Variants in CEP85L observed in about 807,000 individuals in gnomAD.
The protein encoded by CEP85L is centrosomal protein of 85 kDa-like.
CEP85L carries 60 observed loss-of-function variants against 100.3 expected under a neutral mutation model. The observed-to-expected ratio is 0.60, with a 90% CI of 0.49 to 0.74. The LOEUF is 0.74. Among genes scored for constraint, CEP85L ranks in the 30% least tolerant of loss-of-function variants. The pLI is 0.00. For synonymous variants in CEP85L, 319 were observed against 322.7 expected, an observed-to-expected ratio of 0.99 and a Z score of 0.12; for missense variants, 973 against 936.2, an observed-to-expected ratio of 1.04 and a Z score of -0.51.
chr6:118,686,399 G>T (rs1335510802), intron 1 of CEP85L, among the ~76,000 whole-genome samples: 2 of 151,850 alleles, frequency 1.3e-5, no homozygotes, highest in African/African-American at 4.8e-5. Context: ...CCAGTCCCAG[G>T]CAATCACTAA....
chr6:118,613,233 TA>T (rs1305007316), intron 2 of CEP85L, among the ~76,000 whole-genome samples: 1 of 150,186 alleles, frequency 6.7e-6, no homozygotes. Flanking sequence ...AGAAAAACAA[TA>T]ACTGAAATGA....
At chr6:118,669,594 C>A (rs1776234139) in intron 1 of CEP85L, among the ~76,000 whole-genome samples, 1 of 151,920 alleles carries the variant, frequency 6.6e-6, no homozygotes, top group Admixed American at 6.6e-5. Flanking sequence ...AGAAATTTGC[C>A]CTCCCTCCAC....
At chr6:118,616,498 C>T (rs917739909) in intron 2 of CEP85L, among the ~76,000 whole-genome samples, 2 of 151,362 alleles carry the variant, frequency 1.3e-5, no homozygotes, top group African/African-American at 2.4e-5. Context: ...CACAACTGCA[C>T]GCCAGCCTGG....
At chr6:118,502,525 A>T (rs1775371755) in intron 5 of CEP85L, 1 of 487,354 alleles carries the variant, frequency 2.1e-6, no homozygotes, top group African/African-American at 2.0e-5. Context: ...GGACATTTGG[A>T]CTCTAATACT....
At chr6:118,605,514 C>G (rs1187870503) in intron 2 of CEP85L, among the ~76,000 whole-genome samples, 1 of 152,186 alleles carries the variant, frequency 6.6e-6, no homozygotes, top group Non-Finnish European at 1.5e-5. Flanking sequence ...TCTGATACCC[C>G]CAAAACTCAA....
At chr6:118,670,130 T>C (rs149301409) in intron 1 of CEP85L, among the ~76,000 whole-genome samples, 18 of 152,020 alleles carry the variant, frequency 1.2e-4, no homozygotes, top group African/African-American at 4.3e-4. Context: ...ACGGGCAGAA[T>C]ATATGTAGCA....
At chr6:118,624,613 G>C (rs1224300488) in intron 2 of CEP85L, among the ~76,000 whole-genome samples, 1 of 152,032 alleles carries the variant, frequency 6.6e-6, no homozygotes, top group Non-Finnish European at 1.5e-5. Flanking sequence ...ACTAAATCAG[G>C]GTTTACTACC....
intron 1 of CEP85L, among the ~76,000 whole-genome samples, chr6:118,634,456 G>A: frequency 6.6e-6 from 1 of 151,914 alleles, no homozygotes; most frequent in Middle Eastern, 3.4e-3. Flanking sequence ...TTAAATTTAG[G>A]CTTTATACAT....
chr6:118,589,081 C>A, intron 2 of CEP85L: 1 of 314,780 alleles, frequency 3.2e-6, no homozygotes, highest in Non-Finnish European at 6.6e-6. Context: ...TGAACGGAGA[C>A]AGCACCTTTG....
At chr6:118,611,245 T>TATA (rs1772592891) in intron 2 of CEP85L, among the ~76,000 whole-genome samples, 1 of 152,088 alleles carries the variant, frequency 6.6e-6, no homozygotes, top group South Asian at 2.1e-4. Flanking sequence ...GGTAAAGGAA[T>TATA]ATAAAAACAG....
chr6:118,674,398 C>T (rs1416553711), intron 1 of CEP85L, among the ~76,000 whole-genome samples: 1 of 151,998 alleles, frequency 6.6e-6, no homozygotes, highest in African/African-American at 2.4e-5. Flanking sequence ...GTGACAGGTG[C>T]CTGTAATCCC....
intron 1 of CEP85L, among the ~76,000 whole-genome samples, chr6:118,640,488 T>C (rs919072200): frequency 6.6e-6 from 1 of 152,138 alleles, no homozygotes; most frequent in Non-Finnish European, 1.5e-5. Flanking sequence ...ACCTATATTA[T>C]AGGGTTGTTG....
intron 6 of CEP85L, 180 bp downstream of exon 6, chr6:118,491,506 A>T: frequency 7.3e-7 from 1 of 1,364,368 alleles, no homozygotes; most frequent in Non-Finnish European, 9.4e-7. Flanking sequence ...CTATCCTCAA[A>T]GAAAATCCTT....
intron 3 of CEP85L, among the ~76,000 whole-genome samples, chr6:118,524,314 G>A (rs1158367159): frequency 6.6e-6 from 1 of 152,052 alleles, no homozygotes; most frequent in Non-Finnish European, 1.5e-5. Context: ...CGTGGTGGCA[G>A]GCGCCTGTAG....
At chr6:118,595,601 A>T (rs1781421890) in intron 2 of CEP85L, among the ~76,000 whole-genome samples, 1 of 152,238 alleles carries the variant, frequency 6.6e-6, no homozygotes, top group Non-Finnish European at 1.5e-5. Flanking sequence ...CAGGTTAAAA[A>T]GGAAGAGGCA....
intron 3 of CEP85L, among the ~76,000 whole-genome samples, chr6:118,554,661 A>C (rs577701779): frequency 5.9e-5 from 9 of 152,224 alleles, no homozygotes; most frequent in Non-Finnish European, 7.3e-5. Context: ...ATCCTCATAT[A>C]GATAACACTA....
intron 2 of CEP85L, among the ~76,000 whole-genome samples, chr6:118,580,977 T>G (rs974632235): frequency 6.6e-6 from 1 of 152,144 alleles, no homozygotes; most frequent in Admixed American, 6.5e-5. Context: ...CTACCGCTTG[T>G]CTGAGGAGCA....
At chr6:118,640,961 A>C (rs1268160947) in intron 1 of CEP85L, among the ~76,000 whole-genome samples, 1 of 152,228 alleles carries the variant, frequency 6.6e-6, no homozygotes, top group Non-Finnish European at 1.5e-5. Flanking sequence ...TGGAGGACTG[A>C]CATGAAAGGT....
chr6:118,544,948 C>G (rs1313470245), intron 3 of CEP85L, among the ~76,000 whole-genome samples: 1 of 152,130 alleles, frequency 6.6e-6, no homozygotes, highest in Admixed American at 6.5e-5. Context: ...TCCTTCCCTA[C>G]GTAGCTTTAA....
Sources: gnomAD v4.1 joint callset for allele counts (sites outside exome capture counted in the v4.1 genomes callset) on GRCh38, gnomAD v4.1.1 for gene constraint, MANE v1.5 for transcripts, NCBI Gene and HGNC (gene_info 2026-07-23, HGNC 2026-07-21) for gene names.